The following SEPTIN3 variants were observed in gnomAD, a reference collection of about 807,000 sequenced individuals.
SEPTIN3 encodes septin 3, also known as neuronal-specific septin-3.
A neutral mutation model predicts 45.1 loss-of-function variants in SEPTIN3; 15 were observed. That is an observed-to-expected ratio of 0.33 (90% CI 0.22 to 0.51). The LOEUF (loss-of-function observed/expected upper bound fraction) is 0.51. Among genes scored for constraint, SEPTIN3 ranks in the 20% least tolerant of loss-of-function variants. The pLI is 0.97. For synonymous variants in SEPTIN3, 148 were observed against 164.8 expected (o/e 0.90, Z 0.78); for missense variants, 289 against 457.2 (o/e 0.63, Z 3.35).
chr22:41,989,147 AGAC>A (rs2078258659), intron 6 of SEPTIN3, among the ~76,000 whole-genome samples: 1 of 146,610 alleles, frequency 6.8e-6, no homozygotes, highest in South Asian at 2.2e-4. Context: ...AAAAAAAAAA[AGAC>A]ACACACAGTG....
At chr22:41,996,823 C>T (rs1021131683) in intron 11 of SEPTIN3, 79 bp from the exon 12 acceptor site, 10 of 1,589,908 alleles carry the variant, frequency 6.3e-6, no homozygotes, top group African/African-American at 2.7e-5. Context: ...TGATCTGAGC[C>T]TCCCTGGAGA....
chr22:41,976,782 G>A lies in SEPTIN3; in HGVS notation c.1504+3786G>A, dbSNP rs1425653030. 6.7e-6 allele frequency: 1 copy of A among 149,554 alleles called. No individual in the cohort carries two copies. The highest frequency in any genetic ancestry group is 1.5e-5 in the Non-Finnish European group (1 of 66,888). The allele number at this position is 149,554 out of a possible 1,614,324, so 9.3% of individuals were successfully genotyped here. On this transcript the variant is annotated intron_variant, in intron 2 of 11. Coordinates refer to ENST00000644076, the MANE Select transcript of SEPTIN3 (RefSeq NM_001363845.2). The surrounding 1 kb of genome is among the most constrained non-coding windows in gnomAD (Gnocchi z 5.8). ...GGGGCCGACGGGCGCGCGGTCACGTGGTGCGGGTGGCAGCGGCGGCGGCTG... is the reference window on the plus strand; with the variant it reads ...GGGGCCGACGGGCGCGCGGTCACGTAGTGCGGGTGGCAGCGGCGGCGGCTG...
chr22:41,975,789 C>G (rs2078012126), intron 2 of SEPTIN3, among the ~76,000 whole-genome samples: 1 of 152,194 alleles, frequency 6.6e-6, no homozygotes, highest in African/African-American at 2.4e-5. Flanking sequence ...TCCTCTCCAT[C>G]CTTCTGCCCC....
intron 2 of SEPTIN3, among the ~76,000 whole-genome samples, chr22:41,981,132 C>A (rs1449647740): frequency 1.3e-5 from 2 of 152,164 alleles, no homozygotes; most frequent in Non-Finnish European, 2.9e-5. Context: ...CAGGTCTGAA[C>A]AACCCCAGAC....
At chr22:41,985,522 A>T (rs542381133) in intron 3 of SEPTIN3, 22 of 160,972 alleles carry the variant, frequency 1.4e-4, no homozygotes, top group Non-Finnish European at 2.7e-4. Context: ...GGATAAAGAT[A>T]GTTCTGCTTC....
In SEPTIN3 at chr22:41,976,441, G is replaced by A. The variant is rs2078021324; in HGVS notation, c.1504+3445G>A. The A allele has an allele frequency of 1.3e-5, 2 of 152,324 alleles. No individual in the cohort carries two copies. 9.4% of individuals were successfully genotyped at this position (152,324 alleles called of 1,614,324 possible). A position where few individuals can be genotyped will look rare whatever the true frequency, so the allele number is the denominator to read the frequency against. On this transcript the variant is annotated intron_variant, in intron 2 of 11. Coordinates refer to ENST00000644076, the MANE Select transcript of SEPTIN3 (RefSeq NM_001363845.2). This position sits in a 1 kb window ranked among gnomAD's most constrained non-coding sequence, Gnocchi z 5.8. ...TATTGGTTCATCATTCTGGAGCAGG[G>A]CCTGGAACCCGGGCCCCTGACTCGG...
At chr22:41,990,278 T>C (rs1602420127) in intron 7 of SEPTIN3, among the ~76,000 whole-genome samples, 1 of 151,348 alleles carries the variant, frequency 6.6e-6, no homozygotes, top group Admixed American at 6.6e-5. Flanking sequence ...CTAGTCTTGA[T>C]CTCCTGACCT....
intron 2 of SEPTIN3, among the ~76,000 whole-genome samples, chr22:41,975,458 C>T (rs2078009043): frequency 6.6e-6 from 1 of 152,190 alleles, no homozygotes; most frequent in Non-Finnish European, 1.5e-5. Context: ...GTCTTCACTT[C>T]TCCCTACGAG....
Position 41,976,753 on chromosome 22 carries a change from C to T in SEPTIN3, c.1504+3757C>T, listed in dbSNP as rs113968723. 657 of 151,464 alleles carry T rather than the reference C, an allele frequency of 4.3e-3. 3 individuals are homozygous for T. Among genetic ancestry groups the T allele is most frequent in the Non-Finnish European group, 7.3e-3 (491 of 67,534 alleles). 9.4% of individuals were successfully genotyped at this position (151,464 alleles called of 1,614,324 possible). ...GCGCCGCGGGAAGGGGAGGGGCCCT[C>T]GGCGGGGCCGACGGGCGCGCGGTCA... is the stretch of plus-strand genomic sequence containing the variant. On this transcript the variant is annotated intron_variant, in intron 2 of 11. Transcript: ENST00000644076. The surrounding 1 kb of genome is among the most constrained non-coding windows in gnomAD (Gnocchi z 5.8).
At chr22:41,974,860 G>GAAAAAAAAAAAAAAA (rs55642127) in intron 2 of SEPTIN3, among the ~76,000 whole-genome samples, 1 of 74,290 alleles carries the variant, frequency 1.3e-5, no homozygotes, top group African/African-American at 5.1e-5. Flanking sequence ...GTCTCAAAAA[G>GAAAAAAAAAAAAAAA]AAAAAAAAAA....
Position 41,986,008 on chromosome 22 carries a change from C to T in SEPTIN3, c.1721C>T (p.Thr574Met), listed in dbSNP as rs2078201359. The T allele has an allele frequency of 3.1e-6, 5 of 1,612,174 alleles. No individual in the cohort carries two copies. Among genetic ancestry groups the T allele is most frequent in the East Asian group, 2.2e-5 (1 of 44,826 alleles). Residue 574 changes from threonine (T) to methionine (M), a missense_variant, in exon 4 of 12, where the codon ACG (threonine) becomes ATG (methionine). Physicochemically the swap from Thr to Met is moderately conservative, Grantham distance 81. Coordinates refer to ENST00000644076, the MANE Select transcript of SEPTIN3 (RefSeq NM_001363845.2). ...VVGQSGLGKS[T>M]LVNTLFKSQV... ...GGCCAGAGTGGACTGGGCAAATCAACGCTGGTCAACACGCTCTTCAAATCC... is the reference window on the plus strand; with the variant it reads ...GGCCAGAGTGGACTGGGCAAATCAATGCTGGTCAACACGCTCTTCAAATCC...
intron 2 of SEPTIN3, among the ~76,000 whole-genome samples, chr22:41,981,079 C>A (rs1439576098): frequency 1.3e-5 from 2 of 152,156 alleles, no homozygotes. Context: ...AGTGCAGGAT[C>A]CTAAAAAGTC....
chr22:41,972,228 C>A lies in SEPTIN3; in HGVS notation c.736C>A (p.Arg246Ser), dbSNP rs141560735. 2 of 398,950 alleles carry A rather than the reference C, an allele frequency of 5.0e-6. No homozygotes were observed. The highest frequency in any genetic ancestry group is 2.1e-5 in the African/African-American group (1 of 48,610). 24.7% of individuals were successfully genotyped at this position (398,950 alleles called of 1,614,324 possible). A position where few individuals can be genotyped will look rare whatever the true frequency, so the allele number is the denominator to read the frequency against. ...CAGGGGGATCCCCAGACCCCGGGGG[C>A]GTCTCCAAAGGGCCAACACGACTGT... ...RARGIPRPRG[R>S]LQRANTTVNL... Residue 246 changes from arginine (R) to serine (S), a missense_variant, in exon 2 of 12, where the codon CGT becomes AGT. Physicochemically the swap from Arg to Ser is moderately radical, Grantham distance 110 (BLOSUM62 -1). Transcript: ENST00000644076.
At chr22:41,980,711 C>G (rs2078107654) in intron 2 of SEPTIN3, among the ~76,000 whole-genome samples, 1 of 152,182 alleles carries the variant, frequency 6.6e-6, no homozygotes, top group Non-Finnish European at 1.5e-5. Flanking sequence ...TGAACACACC[C>G]ATGATCCACT....
intron 3 of SEPTIN3, among the ~76,000 whole-genome samples, chr22:41,984,030 G>A (rs2078163089): frequency 6.6e-6 from 1 of 152,172 alleles, no homozygotes; most frequent in African/African-American, 2.4e-5. Context: ...TCTCCCCAGT[G>A]GTGTGCATGG....
chr22:41,989,480 T>C, intron 6 of SEPTIN3, 87 bp from the exon 7 acceptor site: 1 of 861,956 alleles, frequency 1.2e-6, no homozygotes, highest in Admixed American at 1.7e-5. Flanking sequence ...CCAGTCCTCT[T>C]CTCCTGTGGG....
Position 41,971,862 on chromosome 22 carries a change from C to T in SEPTIN3, c.370C>T (p.Arg124Cys), listed in dbSNP as rs906052565. Reference protein sequence around the residue: ...HQNSQARSLDRPLSHWEELPT... With the variant: ...HQNSQARSLDCPLSHWEELPT... ...GAACAGCCAGGCACGGTCCCTGGATCGCCCACTTTCTCACTGGGAAGAGTT... is the reference window on the plus strand; with the variant it reads ...GAACAGCCAGGCACGGTCCCTGGATTGCCCACTTTCTCACTGGGAAGAGTT... Residue 124 changes from arginine (R) to cysteine (C), a missense_variant, in exon 2 of 12, where the codon CGC (arginine) becomes TGC (cysteine). By Grantham distance (180) the Arg-to-Cys change is radical. Around this residue, in one of 3 missense-constraint regions of SEPTIN3, gnomAD observed 200 missense variants for 315.1 expected, o/e 0.63. Transcript: ENST00000644076. 5.0e-6 allele frequency: 2 copies of T among 399,014 alleles called. No homozygotes were observed. Among genetic ancestry groups the T allele is most frequent in the Admixed American group, 4.4e-5 (1 of 22,716 alleles). 24.7% of individuals were successfully genotyped at this position (399,014 alleles called of 1,614,324 possible).
intron 2 of SEPTIN3, among the ~76,000 whole-genome samples, chr22:41,978,378 G>A (rs915787135): frequency 2.4e-4 from 36 of 152,180 alleles, no homozygotes; most frequent in African/African-American, 8.2e-4. Flanking sequence ...GAACTAGTAC[G>A]TATTTGTGCC....
rs1327028896 is a variant in SEPTIN3, at chr22:41,994,334, G to A, written c.2404G>A (p.Val802Ile). Residue 802 changes from valine (V) to isoleucine (I), a missense_variant, in exon 10 of 12, where the codon GTC becomes ATC. Physicochemically the swap from Val to Ile is conservative, Grantham distance 29 (BLOSUM62 3). Coordinates refer to ENST00000644076, the MANE Select transcript of SEPTIN3 (RefSeq NM_001363845.2). The surrounding 1 kb of genome is among the most constrained non-coding windows in gnomAD (Gnocchi z 4.2). Reference protein sequence around the residue: ...HCEFALLRDFVIRTHLQDLKE... With the variant: ...HCEFALLRDFIIRTHLQDLKE... ...TGAGTTTGCCCTGCTTCGAGACTTT[G>A]TCATCAGGTAAGATGTCTCCCCTCC... 6.2e-7 allele frequency: 1 copy of A among 1,614,044 alleles called. No individual in the cohort carries two copies. Among genetic ancestry groups the A allele is most frequent in the Non-Finnish European group, 8.5e-7 (1 of 1,180,026 alleles).
Sources: gnomAD v4.1 joint callset for allele counts (sites outside exome capture counted in the v4.1 genomes callset) on GRCh38, gnomAD v4.1.1 for gene constraint, gnomAD v4.1.1 regional missense constraint, Gnocchi (gnomAD v3.1) non-coding constraint, MANE v1.5 for transcripts, NCBI Gene and HGNC (gene_info 2026-07-23, HGNC 2026-07-21) for gene names.